Variants in LYPD2 observed in about 807,000 individuals in gnomAD.
LYPD2 encodes ly6/PLAUR domain-containing protein 2.
LYPD2 carries 5 observed loss-of-function variants against 7.1 expected under a neutral mutation model. That is an observed-to-expected ratio of 0.70 (90% CI 0.37 to 1.48). LYPD2 has a LOEUF of 1.48. Ranked by LOEUF, LYPD2 falls within the 40% of genes most tolerant of loss-of-function variation. The pLI is 0.03. For missense variants in LYPD2, 177 were observed against 171.0 expected, an observed-to-expected ratio of 1.04 and a Z score of -0.20; for synonymous variants, 78 against 82.0, an observed-to-expected ratio of 0.95 and a Z score of 0.26.
In LYPD2 at chr8:142,750,929, C is replaced by G. The variant is rs1461370242; in HGVS notation, c.178+122G>C. On this transcript the variant is annotated intron_variant, in intron 2 of 2. Coordinates refer to ENST00000359228, the MANE Select transcript of LYPD2 (RefSeq NM_205545.3). Reference sequence around the variant, plus strand: ...TGACTGGGCTGGAGGTGGCTCTGACCGGGAACCCAGCCCTGCCCGCCTTCC... The same window carrying G: ...TGACTGGGCTGGAGGTGGCTCTGACGGGGAACCCAGCCCTGCCCGCCTTCC... 5.9e-6 allele frequency: 9 copies of G among 1,535,886 alleles called. No individual in the cohort carries two copies. In the Admixed American group the frequency reaches 1.2e-4, roughly 21 times the overall value.
intron 2 of LYPD2, 126 bp from the exon 3 acceptor site, chr8:142,750,608 C>T (rs1489809506): frequency 2.3e-6 from 2 of 875,648 alleles, no homozygotes; most frequent in Non-Finnish European, 3.6e-6. Context: ...CCCTCCTGGC[C>T]CAGTGCCCTC....
Position 142,750,837 on chromosome 8 carries a change from G to A in LYPD2, c.178+214C>T, listed in dbSNP as rs144507639. On this transcript the variant is annotated intron_variant, in intron 2 of 2. Coordinates refer to ENST00000359228, the MANE Select transcript of LYPD2 (RefSeq NM_205545.3). ...GGGAGGGCAGAGGGAGGCCTAGCTC[G>A]GGCAGAAAGCCATTTCTGGAGATGG... Among the ~76,000 whole-genome samples the A allele has an allele frequency of 7.2e-5, 11 of 152,376 alleles. No individual in the cohort carries two copies. The East Asian group carries it at 1.5e-3, about 21-fold the overall frequency.
intron 2 of LYPD2, 37 bp downstream of exon 2, chr8:142,751,014 G>C: frequency 6.2e-7 from 1 of 1,613,214 alleles, no homozygotes; most frequent in Non-Finnish European, 8.5e-7. Flanking sequence ...GGCTCTGACC[G>C]GGAACCCGGC....
rs587711197 is a variant in LYPD2, at chr8:142,752,315, C to T, written c.58+79G>A. ...CTGCCTCTGAGGCCCCTTCCTGGGG[C>T]GCCCTCCCGGGAACAGTGTGAATGT... On this transcript the variant is annotated intron_variant, in intron 1 of 2. Transcript: ENST00000359228. 6.8e-5 allele frequency: 105 copies of T among 1,544,972 alleles called. 1 individual carries two copies. In the South Asian group the frequency reaches 9.1e-4, roughly 13 times the overall value.
In LYPD2 at chr8:142,751,952, TG is replaced by T. The variant is rs587629737; in HGVS notation, c.58+441del. On this transcript the variant is annotated intron_variant, in intron 1 of 2. Coordinates refer to ENST00000359228, the MANE Select transcript of LYPD2 (RefSeq NM_205545.3). Reference sequence around the variant, plus strand: ...GTTGAGTCCAGGACATTGCCCCTGATGGTTGTTTCAGGCTCCACATCAGGGA... The same window carrying T: ...GTTGAGTCCAGGACATTGCCCCTGATGTTGTTTCAGGCTCCACATCAGGGA... Among the ~76,000 whole-genome samples the T allele has an allele frequency of 3.7e-4, 56 of 152,186 alleles. 1 individual carries two copies. The South Asian group carries it at 0.011, about 31-fold the overall frequency.
chr8:142,752,251 G>C (rs1339205492), intron 1 of LYPD2, 143 bp downstream of exon 1: 1 of 799,350 alleles, frequency 1.3e-6, no homozygotes, highest in East Asian at 2.9e-5. Flanking sequence ...TCCTTATGGC[G>C]GGGGGGCCAC....
intron 1 of LYPD2, 110 bp from the exon 2 acceptor site, chr8:142,751,280 G>C (rs1436538960): frequency 1.4e-6 from 2 of 1,438,702 alleles, no homozygotes; most frequent in African/African-American, 2.8e-5. Context: ...GGCCAGGGTA[G>C]AGATGCCTAC....
rs1814673076 is a variant in LYPD2, at chr8:142,750,256, A to G, written c.*27T>C. The G allele has an allele frequency of 2.0e-6, 3 of 1,529,858 alleles. No homozygotes were observed. The highest frequency in any genetic ancestry group is 1.4e-5 in the African/African-American group (1 of 72,224). The allele number at this position is 1,529,858 out of a possible 1,614,324, so 94.8% of individuals were successfully genotyped here. A position where few individuals can be genotyped will look rare whatever the true frequency, so the allele number is the denominator to read the frequency against. ...TTCAAGGCATTCGGGGCTGGGCCGC[A>G]TAGGGCCATGGGGGTGGGCGGGGAC... On this transcript the variant is annotated 3_prime_UTR_variant, in exon 3 of 3. Coordinates refer to ENST00000359228, the MANE Select transcript of LYPD2 (RefSeq NM_205545.3).
In LYPD2 at chr8:142,752,529, G is replaced by T; in HGVS notation, c.-78C>A. On this transcript the variant is annotated 5_prime_UTR_variant, in exon 1 of 3. The change creates a new upstream start codon in the 5' untranslated region. Coordinates refer to ENST00000359228, the MANE Select transcript of LYPD2 (RefSeq NM_205545.3). ...GCAGACACCAAGTGAGGTGGCGACA[G>T]ACTGGTCTGCTGAGCGGATTAGTGG... 6.4e-7 allele frequency: 1 copy of T among 1,553,272 alleles called. No individual in the cohort carries two copies.
chr8:142,751,192 G>A (rs371611255), intron 1 of LYPD2, 22 bp from the exon 2 acceptor site: 28 of 1,612,300 alleles, frequency 1.7e-5, no homozygotes, highest in East Asian at 6.7e-5. Context: ...GGACAAGGGC[G>A]GTCAGGCAGG....
Position 142,750,270 on chromosome 8 carries a change from G to T in LYPD2, c.*13C>A. On this transcript the variant is annotated 3_prime_UTR_variant, in exon 3 of 3. Coordinates refer to ENST00000359228, the MANE Select transcript of LYPD2 (RefSeq NM_205545.3). ...GGCTGGGCCGCATAGGGCCATGGGG[G>T]TGGGCGGGGACTCTACAGTCGGAGG... The T allele has an allele frequency of 6.5e-7, 1 of 1,549,572 alleles. No individual in the cohort carries two copies.
Position 142,750,350 on chromosome 8 carries a change from G to A in LYPD2, c.311C>T (p.Ala104Val), listed in dbSNP as rs867619325. ...CNTELCNVDGAPALNSLHCGA... is the reference protein window; with the variant it reads ...CNTELCNVDGVPALNSLHCGA... The stretch of plus-strand genomic sequence containing the variant: ...GCAGTGGAGGCTGTTCAGAGCGGGC[G>A]CCCCGTCTACATTGCACAGCTCAGT... Residue 104 changes from alanine (A) to valine (V), a missense_variant, in exon 3 of 3, where the codon GCG (alanine) becomes GTG (valine). Ala to Val is a moderately conservative substitution (Grantham distance 64, BLOSUM62 0). Coordinates refer to ENST00000359228, the MANE Select transcript of LYPD2 (RefSeq NM_205545.3). The A allele has an allele frequency of 1.7e-5, 26 of 1,559,010 alleles. No homozygotes were observed. Among genetic ancestry groups the A allele is most frequent in the African/African-American group, 1.2e-4 (9 of 73,584 alleles).
rs200597719 is a variant in LYPD2 at position 142,752,404 on chromosome 8, G to T, written c.48C>A (p.Cys16Ter). 11 of 1,613,330 alleles carry T rather than the reference G, an allele frequency of 6.8e-6. No homozygotes were observed. The Admixed American group carries it at 1.2e-4, about 17-fold the overall frequency. ...LALLALVLAA[C>*]GELAPALRCY... ...GGTCCCACACCTCACCCAGCTCTCC[G>T]CAGGCAGCCAGCACCAGCGCCAGGA... The change falls in exon 1 of 3, where the codon TGC becomes TGA. Residue 16 changes from cysteine to a stop codon, truncating the protein, a stop_gained. Transcript: ENST00000359228. LOFTEE classifies it high-confidence loss of function.
At chr8:142,752,277 G>C in intron 1 of LYPD2, 117 bp downstream of exon 1, 5 of 1,178,384 alleles carry the variant, frequency 4.2e-6, no homozygotes, top group South Asian at 2.9e-5. Context: ...CGGCCCCACA[G>C]CTCTGGCTTC....
Position 142,751,104 on chromosome 8 carries a change from G to T in LYPD2, c.125C>A (p.Thr42Asn), listed in dbSNP as rs757300417. The change falls in exon 2 of 3, where the codon ACC becomes AAC. Residue 42 changes from threonine (T) to asparagine (N), a missense_variant. Coordinates refer to ENST00000359228, the MANE Select transcript of LYPD2 (RefSeq NM_205545.3). ...TGVSDCVTIA[T>N]CTTNETMCKT... ...GCACATGGTTTCGTTGGTGGTGCAG[G>T]TGGCGATGGTGACACAGTCCGACAC... 1.2e-5 allele frequency: 20 copies of T among 1,614,116 alleles called. No individual in the cohort carries two copies. The African/African-American group carries it at 2.5e-4, about 20-fold the overall frequency.
chr8:142,751,352 G>C (rs1343028132), intron 1 of LYPD2, among the ~76,000 whole-genome samples, 182 bp from the exon 2 acceptor site: 2 of 152,204 alleles, frequency 1.3e-5, no homozygotes, highest in Non-Finnish European at 2.9e-5. Context: ...GCTCAGCCTC[G>C]GAACCTTGCA....
In LYPD2 at chr8:142,751,111, T is replaced by C. The variant is rs745404845; in HGVS notation, c.118A>G (p.Ile40Val). 16 of 1,614,066 alleles carry C rather than the reference T, an allele frequency of 9.9e-6. No homozygotes were observed. Among genetic ancestry groups the C allele is most frequent in the East Asian group, 4.5e-5 (2 of 44,896 alleles). Residue 40 changes from isoleucine (I) to valine (V), a missense_variant, in exon 2 of 3, where the codon ATC (isoleucine) becomes GTC (valine). Physicochemically the swap from Ile to Val is conservative, Grantham distance 29. Coordinates refer to ENST00000359228, the MANE Select transcript of LYPD2 (RefSeq NM_205545.3). ...EPTGVSDCVT[I>V]ATCTTNETMC... Reference sequence around the variant, plus strand: ...GTTTCGTTGGTGGTGCAGGTGGCGATGGTGACACAGTCCGACACTCCTGTG... The same window carrying C: ...GTTTCGTTGGTGGTGCAGGTGGCGACGGTGACACAGTCCGACACTCCTGTG...
At position 142,752,406 on chromosome 8, in the gene LYPD2, A is replaced by T. The variant is rs778538213; in HGVS notation, c.46T>A (p.Cys16Ser). The change falls in exon 1 of 3, where the codon TGC (cysteine) becomes AGC (serine). Residue 16 changes from cysteine to serine, a missense_variant. Physicochemically the swap from Cys to Ser is moderately radical, Grantham distance 112. Coordinates refer to ENST00000359228, the MANE Select transcript of LYPD2 (RefSeq NM_205545.3). Reference protein sequence around the residue: ...LALLALVLAACGELAPALRCY... With the variant: ...LALLALVLAASGELAPALRCY... ...TCCCACACCTCACCCAGCTCTCCGC[A>T]GGCAGCCAGCACCAGCGCCAGGAGC... 1.2e-6 allele frequency: 2 copies of T among 1,613,362 alleles called. No homozygotes were observed. Among genetic ancestry groups the T allele is most frequent in the South Asian group, 2.2e-5 (2 of 91,056 alleles).
rs762779585 is a variant in LYPD2, at chr8:142,750,242, C to A, written c.*41G>T. The A allele has an allele frequency of 2.8e-6, 4 of 1,422,846 alleles. No homozygotes were observed. The African/African-American group carries it at 4.4e-5, about 16-fold the overall frequency. 88.1% of individuals were successfully genotyped at this position (1,422,846 alleles called of 1,614,324 possible). A position where few individuals can be genotyped will look rare whatever the true frequency, so the allele number is the denominator to read the frequency against. On this transcript the variant is annotated 3_prime_UTR_variant, in exon 3 of 3. Transcript: ENST00000359228. Reference sequence around the variant, plus strand: ...GCAGGGGGCACTTCTTCAAGGCATTCGGGGCTGGGCCGCATAGGGCCATGG... The same window carrying A: ...GCAGGGGGCACTTCTTCAAGGCATTAGGGGCTGGGCCGCATAGGGCCATGG...
Sources: allele counts gnomAD v4.1 joint callset (sites outside exome capture counted in the v4.1 genomes callset), GRCh38; gene constraint gnomAD v4.1.1; transcripts MANE v1.5; gene names NCBI Gene and HGNC (gene_info 2026-07-23, HGNC 2026-07-21).